Variants in DISC1 observed in about 807,000 individuals in gnomAD.
DISC1 encodes the protein DISC1 scaffold protein, also known as disrupted in schizophrenia 1 protein.
Under a neutral mutation model 84.5 loss-of-function variants are expected in DISC1, and 57 were observed. The ratio of observed to expected loss-of-function variants is 0.67; its 90% CI spans 0.55 to 0.84. The LOEUF (loss-of-function observed/expected upper bound fraction) is 0.84, where lower values mean the gene tolerates loss of function less well. Among genes scored for constraint, DISC1 ranks in the 40% least tolerant of loss-of-function variants. DISC1 has a pLI of 0.00. For missense variants in DISC1, 1,000 were observed against 1,057.8 expected (o/e 0.95, Z 0.76); for synonymous variants, 411 against 415.2 (o/e 0.99, Z 0.12).
intron 9 of DISC1, among the ~76,000 whole-genome samples, chr1:231,820,278 T>G (rs1293283164): frequency 6.6e-6 from 1 of 152,172 alleles, no homozygotes; most frequent in Admixed American, 6.5e-5. Flanking sequence ...CATTGAAGCT[T>G]TTATTTATTA....
intron 9 of DISC1, among the ~76,000 whole-genome samples, chr1:231,935,698 T>C (rs1039217133): frequency 1.3e-5 from 2 of 152,222 alleles, no homozygotes; most frequent in African/African-American, 4.8e-5. Context: ...CATTTACAAT[T>C]GCCCTTGAAA....
chr1:231,642,735 C>A (rs575772715), intron 1 of DISC1, among the ~76,000 whole-genome samples: 3 of 151,616 alleles, frequency 2.0e-5, no homozygotes, highest in Non-Finnish European at 4.4e-5. Flanking sequence ...TTCTGAATCT[C>A]TTCTGGCTCA....
At chr1:231,670,166 A>G (rs950183436) in intron 1 of DISC1, among the ~76,000 whole-genome samples, 3 of 152,204 alleles carry the variant, frequency 2.0e-5, no homozygotes, top group Non-Finnish European at 4.4e-5. Context: ...TGGTGAGAAC[A>G]CATGGACATA....
intron 11 of DISC1, among the ~76,000 whole-genome samples, chr1:232,017,985 C>G (rs768235113): frequency 3.3e-5 from 5 of 152,082 alleles, no homozygotes; most frequent in Admixed American, 6.6e-5. Flanking sequence ...AAGGTGTAAC[C>G]CGTCTGCTCA....
intron 9 of DISC1, among the ~76,000 whole-genome samples, chr1:231,886,318 T>C (rs1306037512): frequency 6.6e-6 from 1 of 152,244 alleles, no homozygotes; most frequent in African/African-American, 2.4e-5. Context: ...GCTTCCTCTT[T>C]ATGGTTTGCT....
chr1:231,879,165 A>C (rs1315114632), intron 9 of DISC1, among the ~76,000 whole-genome samples: 1 of 151,984 alleles, frequency 6.6e-6, no homozygotes, highest in Non-Finnish European at 1.5e-5. Context: ...AAAATCTGAA[A>C]CGTGAAATGC....
intron 11 of DISC1, among the ~76,000 whole-genome samples, chr1:232,023,144 A>G (rs897202975): frequency 2.6e-5 from 4 of 152,224 alleles, no homozygotes; most frequent in African/African-American, 4.8e-5. Flanking sequence ...AGGAAAGTAT[A>G]AAGAAGAAAA....
At chr1:231,845,559 C>T (rs1016418170) in intron 9 of DISC1, among the ~76,000 whole-genome samples, 17 of 152,146 alleles carry the variant, frequency 1.1e-4, no homozygotes, top group African/African-American at 4.1e-4. Context: ...CATGCATTTT[C>T]CCCAGCTGTG....
chr1:231,832,963 C>T (rs182047689), intron 9 of DISC1, among the ~76,000 whole-genome samples: 3,878 of 66,650 alleles, frequency 0.058, 244 homozygotes, highest in East Asian at 0.12. Context: ...TGGCATTGAG[C>T]AGGCTAAGGG....
At chr1:232,025,625 C>T (rs1200783883) in intron 11 of DISC1, among the ~76,000 whole-genome samples, 4 of 141,210 alleles carry the variant, frequency 2.8e-5, no homozygotes, top group African/African-American at 1.1e-4. Context: ...GAGACGGAGT[C>T]TCGCTCTGTC....
At chr1:231,903,523 AG>A (rs1338211222) in intron 9 of DISC1, among the ~76,000 whole-genome samples, 2 of 152,206 alleles carry the variant, frequency 1.3e-5, no homozygotes, top group Non-Finnish European at 2.9e-5. Context: ...ATCAACCTCA[AG>A]CCATAGGATT....
chr1:231,979,306 C>T (rs769441143), intron 10 of DISC1, among the ~76,000 whole-genome samples: 2 of 151,440 alleles, frequency 1.3e-5, no homozygotes, highest in African/African-American at 4.9e-5. Context: ...TTTGAATCAC[C>T]CCGAAACCAT....
chr1:231,734,163 A>G (rs1189729028), intron 3 of DISC1, among the ~76,000 whole-genome samples: 4 of 152,148 alleles, frequency 2.6e-5, no homozygotes, highest in Non-Finnish European at 5.9e-5. Flanking sequence ...GACCACATAT[A>G]TAAGTGATTC....
At chr1:232,036,616 C>T (rs1204324500) in intron 12 of DISC1, 76 bp from the exon 13 acceptor site, 5 of 1,376,214 alleles carry the variant, frequency 3.6e-6, no homozygotes, top group Non-Finnish European at 4.8e-6. Context: ...CCAGCAGGCT[C>T]ACACGCTCTT....
Position 231,626,824 on chromosome 1 carries a change from A to T in DISC1, c.-44A>T, listed in dbSNP as rs1459778512. ...CCGCCTCTGGCCTCGGGGAAGGAGC[A>T]GGAGGCAGCCCAGGCGGAGCGGGAG... On this transcript the variant is annotated 5_prime_UTR_variant, in exon 1 of 13. Coordinates refer to ENST00000439617, the MANE Select transcript of DISC1 (RefSeq NM_018662.3). 3 of 1,393,290 alleles carry T rather than the reference A, an allele frequency of 2.2e-6. No homozygotes were observed. Among genetic ancestry groups the T allele is most frequent in the Non-Finnish European group, 2.8e-6 (3 of 1,073,426 alleles). The allele number at this position is 1,393,290 out of a possible 1,614,324, so 86.3% of individuals were successfully genotyped here.
intron 9 of DISC1, chr1:231,866,615 C>T: frequency 6.4e-7 from 1 of 1,558,722 alleles, no homozygotes; most frequent in South Asian, 1.1e-5. Flanking sequence ...GATTTGAACC[C>T]AGAGAGTCTG....
chr1:231,807,159 T>G (rs2079803510), intron 8 of DISC1, among the ~76,000 whole-genome samples: 1 of 152,250 alleles, frequency 6.6e-6, no homozygotes, highest in Admixed American at 6.5e-5. Flanking sequence ...TGCACCATTG[T>G]GAGACACGGT....
chr1:231,689,323 G>C (rs1034606263), intron 1 of DISC1, among the ~76,000 whole-genome samples: 1 of 151,740 alleles, frequency 6.6e-6, no homozygotes, highest in African/African-American at 2.4e-5. Context: ...CCAAGCCCAC[G>C]TGTCTTTTTT....
intron 9 of DISC1, among the ~76,000 whole-genome samples, chr1:231,859,435 ATGTCCTCCCATTC>A (rs2084494260): frequency 6.6e-6 from 1 of 152,158 alleles, no homozygotes; most frequent in African/African-American, 2.4e-5. Context: ...CCTTTTCAAT[ATGTCCTCCCATTC>A]TGGAAGGGGC....
Sources: allele counts gnomAD v4.1 joint callset (sites outside exome capture counted in the v4.1 genomes callset), GRCh38; gene constraint gnomAD v4.1.1; transcripts MANE v1.5; gene names NCBI Gene and HGNC (gene_info 2026-07-23, HGNC 2026-07-21).